RUFY2: variants seen among roughly 807,000 people sequenced by gnomAD.
The protein encoded by RUFY2 is RUN and FYVE domain-containing protein 2.
Under a neutral mutation model 94.4 loss-of-function variants are expected in RUFY2, and 49 were observed. That is an observed-to-expected ratio of 0.52 (90% CI 0.41 to 0.66). RUFY2 has a LOEUF of 0.66. Among genes scored for constraint, RUFY2 ranks in the 30% least tolerant of loss-of-function variants. The probability of loss-of-function intolerance (pLI) is 0.00; values close to 1 mark genes in which losing one functional copy is unlikely to be tolerated. For synonymous variants in RUFY2, 255 were observed against 235.7 expected (o/e 1.08, Z -0.75); for missense variants, 541 against 692.8 (o/e 0.78, Z 2.46).
chr10:68,385,562 G>A (rs1371872674), intron 8 of RUFY2, among the ~76,000 whole-genome samples: 2 of 152,084 alleles, frequency 1.3e-5, no homozygotes, highest in Non-Finnish European at 2.9e-5. Context: ...TGGGAAGAGA[G>A]GGACGGTATC....
At chr10:68,370,279 C>CT (rs1362903343) in intron 13 of RUFY2, among the ~76,000 whole-genome samples, 6 of 152,082 alleles carry the variant, frequency 3.9e-5, no homozygotes, top group African/African-American at 1.2e-4. Flanking sequence ...AGCGAAAACT[C>CT]TGTCTCAAAA....
intron 10 of RUFY2, among the ~76,000 whole-genome samples, chr10:68,383,494 C>CT (rs997772761): frequency 2.0e-5 from 3 of 151,580 alleles, no homozygotes; most frequent in Non-Finnish European, 4.4e-5. Context: ...TGGCACATGC[C>CT]TTGTACTCCC....
intron 15 of RUFY2, among the ~76,000 whole-genome samples, chr10:68,359,888 G>A (rs1425706101): frequency 1.3e-5 from 2 of 151,720 alleles, no homozygotes; most frequent in East Asian, 3.9e-4. Flanking sequence ...ATGAAAATAA[G>A]CCTGAAAGGA....
chr10:68,359,509 A>T (rs1053347160), intron 15 of RUFY2, among the ~76,000 whole-genome samples: 1 of 146,622 alleles, frequency 6.8e-6, no homozygotes, highest in Non-Finnish European at 1.5e-5. Context: ...TATATATATA[A>T]ATATACATAG....
chr10:68,401,584 T>A (rs747295001), intron 3 of RUFY2, 36 bp downstream of exon 3: 1 of 1,288,980 alleles, frequency 7.8e-7, no homozygotes, highest in Non-Finnish European at 1.1e-6. Flanking sequence ...AATACACTTC[T>A]GTGGCTAGGG....
rs2049037315 is a variant in RUFY2 at position 68,381,249 on chromosome 10, T to G, written c.1090A>C (p.Met364Leu). Residue 364 changes from methionine (M) to leucine (L), a missense_variant, in exon 11 of 18, where the codon ATG becomes CTG. Physicochemically the swap from Met to Leu is conservative, Grantham distance 15. This residue lies in a region of RUFY2 where 403 missense variants were observed against 480.7 expected (regional missense o/e 0.84). Coordinates refer to ENST00000602465, the MANE Select transcript of RUFY2 (RefSeq NM_001330103.2). ...ATCCTTACCTGCAACTTTTGATACA[T>G]CTCTATGTTAATTGCTTTAACTTCC... Reference protein sequence around the residue: ...LEEVKAINIEMYQKLQGSEDG... With the variant: ...LEEVKAINIELYQKLQGSEDG... 6.2e-7 allele frequency: 1 copy of G among 1,611,690 alleles called. No individual in the cohort carries two copies. The highest frequency in any genetic ancestry group is 1.7e-5 in the Admixed American group (1 of 59,542).
intron 4 of RUFY2, among the ~76,000 whole-genome samples, chr10:68,395,128 A>G (rs374439444): frequency 2.0e-4 from 31 of 151,902 alleles, no homozygotes; most frequent in South Asian, 1.5e-3. Context: ...ACTTGAAGTC[A>G]GGAGTTCAAG....
chr10:68,404,655 T>A lies in RUFY2; in HGVS notation c.178+16A>T, dbSNP rs781371618. 4 of 1,501,026 alleles carry A rather than the reference T, an allele frequency of 2.7e-6. No homozygotes were observed. The highest frequency in any genetic ancestry group is 2.7e-6 in the Non-Finnish European group (3 of 1,122,226). 93.0% of individuals were successfully genotyped at this position (1,501,026 alleles called of 1,614,324 possible). ...GAAATTCTAAAATGAATTAATTTTTTAAAATCTCATGATACCTTTAAGACC... is the reference window on the plus strand; with the variant it reads ...GAAATTCTAAAATGAATTAATTTTTAAAAATCTCATGATACCTTTAAGACC... On this transcript the variant is annotated intron_variant, in intron 2 of 17. Coordinates refer to ENST00000602465, the MANE Select transcript of RUFY2 (RefSeq NM_001330103.2).
chr10:68,383,920 A>C lies in RUFY2; in HGVS notation c.823-6T>G. 1 of 1,608,162 alleles carries C rather than the reference A, an allele frequency of 6.2e-7. No individual in the cohort carries two copies. Among genetic ancestry groups the C allele is most frequent in the East Asian group, 2.2e-5 (1 of 44,842 alleles). Reference sequence around the variant, plus strand: ...TCCACATCTACTTTGGTAACCTAGGAAGAAAACAAAATTTTTCATTCTATA... The same window carrying C: ...TCCACATCTACTTTGGTAACCTAGGCAGAAAACAAAATTTTTCATTCTATA... On this transcript the variant is annotated splice_region_variant and splice_polypyrimidine_tract_variant and intron_variant, in intron 9 of 17. Coordinates refer to ENST00000602465, the MANE Select transcript of RUFY2 (RefSeq NM_001330103.2).
intron 13 of RUFY2, among the ~76,000 whole-genome samples, chr10:68,375,400 A>G (rs990904073): frequency 1.3e-5 from 2 of 151,984 alleles, no homozygotes; most frequent in Admixed American, 6.6e-5. Context: ...AATATACACA[A>G]CAAACACCCA....
chr10:68,370,272 G>A (rs554032409), intron 13 of RUFY2, among the ~76,000 whole-genome samples: 6 of 151,986 alleles, frequency 3.9e-5, no homozygotes, highest in Non-Finnish European at 5.9e-5. Flanking sequence ...GCAACAGAGC[G>A]AAAACTCTGT....
At chr10:68,391,358 T>C (rs1280266538) in intron 7 of RUFY2, among the ~76,000 whole-genome samples, 1 of 152,020 alleles carries the variant, frequency 6.6e-6, no homozygotes. Context: ...AATTTTAAAT[T>C]ACTTATGTGG....
Position 68,345,785 on chromosome 10 carries a change from A to G in RUFY2, c.1804T>C (p.Ser602Pro). The G allele has an allele frequency of 1.2e-6, 2 of 1,613,030 alleles. No individual in the cohort carries two copies. Among genetic ancestry groups the G allele is most frequent in the Non-Finnish European group, 1.7e-6 (2 of 1,179,442 alleles). The change falls in exon 18 of 18, where the codon TCA (serine) becomes CCA (proline). Residue 602 changes from serine to proline, a missense_variant. Physicochemically the swap from Ser to Pro is moderately conservative, Grantham distance 74. Coordinates refer to ENST00000602465, the MANE Select transcript of RUFY2 (RefSeq NM_001330103.2). ...SCHALLIQRC[S>P]SNLP ...CTGGAGTCTCAGGGCAAGTTAGATGAGCATCTCTGAATGAGCAGTGCATGA... is the reference window on the plus strand; with the variant it reads ...CTGGAGTCTCAGGGCAAGTTAGATGGGCATCTCTGAATGAGCAGTGCATGA...
intron 4 of RUFY2, among the ~76,000 whole-genome samples, chr10:68,396,459 A>G (rs1030457063): frequency 6.6e-5 from 10 of 152,236 alleles, no homozygotes; most frequent in African/African-American, 2.2e-4. Flanking sequence ...TCAGAAAAAT[A>G]AAACTAACAG....
intron 15 of RUFY2, among the ~76,000 whole-genome samples, chr10:68,355,851 T>G (rs2132380240): frequency 6.6e-6 from 1 of 150,982 alleles, no homozygotes; most frequent in Non-Finnish European, 1.5e-5. Context: ...GAGGCGGAGC[T>G]TGCAGTGAGC....
rs1393480292 is a variant in RUFY2, at chr10:68,344,739, T to C, written c.*1029A>G. 1.3e-5 allele frequency: 2 copies of C among 152,250 alleles called. No individual in the cohort carries two copies. Among genetic ancestry groups the C allele is most frequent in the Non-Finnish European group, 2.9e-5 (2 of 68,062 alleles). The allele number at this position is 152,250 out of a possible 1,614,324, so 9.4% of individuals were successfully genotyped here. On this transcript the variant is annotated 3_prime_UTR_variant, in exon 18 of 18. Transcript: ENST00000602465. Reference sequence around the variant, plus strand: ...TTTCATCATCTCAACACCCTTGGCATAGAGGTGCTCAATGGACATGGTGAA... The same window carrying C: ...TTTCATCATCTCAACACCCTTGGCACAGAGGTGCTCAATGGACATGGTGAA...
rs966603173 is a variant in RUFY2, at chr10:68,394,093, T to G, written c.566A>C (p.Asp189Ala). 2.0e-6 allele frequency: 3 copies of G among 1,504,172 alleles called. No homozygotes were observed. In the African/African-American group the frequency reaches 4.2e-5, roughly 21 times the overall value. The allele number at this position is 1,504,172 out of a possible 1,614,324, so 93.2% of individuals were successfully genotyped here. ...ATCATACCTTTCTTTATTTCCAATA[T>G]CTTCTTCATTCTTTAAATACATAGA... is the stretch of plus-strand genomic sequence containing the variant. ...DFSMYLKNEE[D>A]IGNKERNVQI... is the part of the protein sequence containing the mutation. Residue 189 changes from aspartate to alanine, a missense_variant, in exon 6 of 18, where the codon GAT becomes GCT. By Grantham distance (126) the Asp-to-Ala change is moderately radical. Transcript: ENST00000602465.
chr10:68,346,315 C>T (rs933372010), intron 16 of RUFY2: 16 of 419,768 alleles, frequency 3.8e-5, no homozygotes, highest in African/African-American at 2.3e-4. Flanking sequence ...TGCAGCCAGG[C>T]GACAATGGCT....
chr10:68,370,786 A>C (rs563236335), intron 13 of RUFY2, among the ~76,000 whole-genome samples: 42 of 152,228 alleles, frequency 2.8e-4, no homozygotes, highest in African/African-American at 9.4e-4. Flanking sequence ...ATGAATTTGA[A>C]AATATAACAA....
Sources: gnomAD v4.1 joint callset for allele counts (sites outside exome capture counted in the v4.1 genomes callset) on GRCh38, gnomAD v4.1.1 for gene constraint, gnomAD v4.1.1 regional missense constraint, MANE v1.5 for transcripts, NCBI Gene and HGNC (gene_info 2026-07-23, HGNC 2026-07-21) for gene names.